Variants in PRMT2 observed in about 807,000 individuals in gnomAD.
PRMT2 encodes the protein protein arginine methyltransferase 2, also known as protein arginine N-methyltransferase 2.
PRMT2 carries 26 observed loss-of-function variants against 57.6 expected under a neutral mutation model. The ratio of observed to expected loss-of-function variants is 0.45; its 90% CI spans 0.33 to 0.63. PRMT2 has a LOEUF of 0.63. Ranked by LOEUF, PRMT2 falls within the 20% of genes least tolerant of loss-of-function variation. PRMT2 has a pLI of 0.02. For synonymous variants in PRMT2, 219 were observed against 220.0 expected, an observed-to-expected ratio of 1.00 and a Z score of 0.04; for missense variants, 472 against 564.4, an observed-to-expected ratio of 0.84 and a Z score of 1.66.
rs781528724 is a variant in PRMT2, at chr21:46,664,292, C to T, written c.1270-3C>T. 95 of 1,608,230 alleles carry T rather than the reference C, an allele frequency of 5.9e-5. No homozygotes were observed. Among genetic ancestry groups the T allele is most frequent in the Non-Finnish European group, 7.9e-5 (93 of 1,174,862 alleles). On this transcript the variant is annotated splice_polypyrimidine_tract_variant and splice_region_variant and intron_variant, in intron 11 of 11. Coordinates refer to ENST00000355680, the MANE Select transcript of PRMT2 (RefSeq NM_206962.4). ...TTGACCTGTTGTCATTTATCTTTTT[C>T]AGGTTGGAGAAAAAGTCTTCCCCAT...
chr21:46,655,224 C>T (rs1312949866), intron 7 of PRMT2, among the ~76,000 whole-genome samples: 3 of 151,978 alleles, frequency 2.0e-5, no homozygotes, highest in Non-Finnish European at 4.4e-5. Context: ...TAAGCATTGC[C>T]CTAATACCAA....
chr21:46,652,765 C>T (rs1275615241), intron 7 of PRMT2: 1 of 1,174,668 alleles, frequency 8.5e-7, no homozygotes, highest in African/African-American at 1.6e-5. Context: ...CCACAGGTGT[C>T]CTAGATTGTC....
At chr21:46,654,035 C>T in intron 7 of PRMT2, 1 of 988,424 alleles carries the variant, frequency 1.0e-6, no homozygotes, top group Non-Finnish European at 1.2e-6. Flanking sequence ...GCACATTCAC[C>T]TCGGGGGAGG....
In PRMT2 at chr21:46,649,964, A is replaced by G. The variant is rs2061425063; in HGVS notation, c.654+225A>G. On this transcript the variant is annotated intron_variant, in intron 7 of 11. Transcript: ENST00000355680. This position sits in a 1 kb window ranked among gnomAD's most constrained non-coding sequence, Gnocchi z 4.8. ...AGAAATTTAAGTCAAAGTTCATGTA[A>G]CATTTTCATGAGTGATTTACATGAA... 11 of 1,442,112 alleles carry G rather than the reference A, an allele frequency of 7.6e-6. No individual in the cohort carries two copies. The highest frequency in any genetic ancestry group is 1.0e-5 in the Non-Finnish European group (11 of 1,097,180). The allele number at this position is 1,442,112 out of a possible 1,614,324, so 89.3% of individuals were successfully genotyped here.
Position 46,648,373 on chromosome 21 carries a change from C to A in PRMT2, c.328-85C>A. On this transcript the variant is annotated intron_variant, in intron 5 of 11. Transcript: ENST00000355680. The surrounding 1 kb of genome is among the most constrained non-coding windows in gnomAD (Gnocchi z 4.8). ...GGGTGTTGGGGTCAGGGGTCATCAG[C>A]TGTGGCTCTGACCCTCCATCTCAGT... The A allele has an allele frequency of 1.4e-6, 2 of 1,478,330 alleles. No homozygotes were observed. The highest frequency in any genetic ancestry group is 1.8e-5 in the Admixed American group (1 of 56,528). 91.6% of individuals were successfully genotyped at this position (1,478,330 alleles called of 1,614,324 possible).
At chr21:46,645,662 C>T (rs146333491) in intron 5 of PRMT2, among the ~76,000 whole-genome samples, 4 of 151,508 alleles carry the variant, frequency 2.6e-5, no homozygotes, top group South Asian at 2.1e-4. Context: ...GAATCTATAA[C>T]GTTTGACTCA....
chr21:46,661,885 G>A lies in PRMT2; in HGVS notation c.1046G>A (p.Ser349Asn), dbSNP rs1198850526. The A allele has an allele frequency of 5.3e-6, 8 of 1,498,372 alleles. No individual in the cohort carries two copies. The Middle Eastern group carries it at 9.0e-4, about 169-fold the overall frequency. The allele number at this position is 1,498,372 out of a possible 1,614,324, so 92.8% of individuals were successfully genotyped here. The change falls in exon 10 of 12, where the codon AGC becomes AAC. Residue 349 changes from serine to asparagine, a missense_variant. This residue lies in a region of PRMT2 where 229 missense variants were observed against 217.2 expected (regional missense o/e 1.05). Transcript: ENST00000355680. ...FTAWFSVHFQ[S>N]LQEGQPPQVL... ...GCCTGGTTTAGCGTCCACTTCCAGA[G>A]CCTGCAGGAGGGGCAGCCGCCGCAG...
At chr21:46,643,407 G>A (rs755301578) in intron 3 of PRMT2, 128 bp from the exon 4 acceptor site, 2 of 1,298,156 alleles carry the variant, frequency 1.5e-6, no homozygotes, top group Non-Finnish European at 2.0e-6. Context: ...GATCCAAATA[G>A]TTTGTATAAT....
intron 3 of PRMT2, among the ~76,000 whole-genome samples, chr21:46,641,923 G>A (rs2061283713): frequency 6.6e-6 from 1 of 152,092 alleles, no homozygotes. Context: ...GGAAAAGCAC[G>A]AAGGGTACAA....
Position 46,644,298 on chromosome 21 carries a change from T to A in PRMT2, c.145-8T>A, listed in dbSNP as rs1352718930. ...TTTCTTATTGAATTTTAACTTTTTT[T>A]TTTCCAGCTCAGTTTTTTGAGAGGA... On this transcript the variant is annotated splice_polypyrimidine_tract_variant and splice_region_variant and intron_variant, in intron 4 of 11. Transcript: ENST00000355680. 2.5e-6 allele frequency: 4 copies of A among 1,601,574 alleles called. No individual in the cohort carries two copies. In the South Asian group the frequency reaches 4.6e-5, roughly 18 times the overall value.
chr21:46,636,622 C>A, intron 2 of PRMT2, 75 bp downstream of exon 2: 1 of 298,386 alleles, frequency 3.4e-6, no homozygotes, highest in Non-Finnish European at 6.2e-6. Context: ...TGCCTTAAGT[C>A]GACACCTGAT....
intron 9 of PRMT2, chr21:46,661,465 C>T (rs1433631228): frequency 4.3e-5 from 8 of 184,080 alleles, no homozygotes; most frequent in Non-Finnish European, 7.8e-5. Context: ...GGCGCGGTGG[C>T]GCCGGCGCGC....
At chr21:46,652,748 A>G (rs1199628393) in intron 7 of PRMT2, 1 of 1,141,080 alleles carries the variant, frequency 8.8e-7, no homozygotes, top group Non-Finnish European at 1.1e-6. Flanking sequence ...AGACGCAAGT[A>G]AAGATACCAC....
chr21:46,638,990 A>G (rs1214798558), intron 3 of PRMT2, among the ~76,000 whole-genome samples: 7 of 152,114 alleles, frequency 4.6e-5, no homozygotes, highest in Admixed American at 2.0e-4. Context: ...CCTTTCTTTA[A>G]TAGTCTTTAA....
Position 46,646,733 on chromosome 21 carries a change from G to T in PRMT2, c.328-1725G>T, listed in dbSNP as rs77198355. 3.3e-3 allele frequency among the ~76,000 whole-genome samples: 500 copies of T among 152,296 alleles called. 3 individuals carry two copies. The highest frequency in any genetic ancestry group is 0.01 in the East Asian group (52 of 5,188). On this transcript the variant is annotated intron_variant, in intron 5 of 11. Transcript: ENST00000355680. Reference sequence around the variant, plus strand: ...AATTCCTACGGGGTGTGTGTGTGTAGTGTGTACATGTGGTTTCCTTAAGTG... The same window carrying T: ...AATTCCTACGGGGTGTGTGTGTGTATTGTGTACATGTGGTTTCCTTAAGTG...
At chr21:46,653,603 C>T (rs1211003081) in intron 7 of PRMT2, 2 of 1,150,922 alleles carry the variant, frequency 1.7e-6, no homozygotes, top group African/African-American at 1.7e-5. Flanking sequence ...GGACTTCTGG[C>T]CCCTTTGCTT....
Position 46,648,607 on chromosome 21 carries a change from G to C in PRMT2, c.477G>C (p.Ala159=), listed in dbSNP as rs150978784. The change falls in exon 6 of 12, where the codon GCG becomes GCC. Residue 159 remains alanine (A), a synonymous_variant. Coordinates refer to ENST00000355680, the MANE Select transcript of PRMT2 (RefSeq NM_206962.4). This position sits in a 1 kb window ranked among gnomAD's most constrained non-coding sequence, Gnocchi z 4.8. ...GIISLFCAHY[A]RPRAVYAVEA... is the part of the protein sequence containing the mutation. ...TCAGTCTCTTCTGTGCACACTATGCGCGGCCTAGAGCGGTGAGTGGGGTCT... is the reference window on the plus strand; with the variant it reads ...TCAGTCTCTTCTGTGCACACTATGCCCGGCCTAGAGCGGTGAGTGGGGTCT... The C allele has an allele frequency of 3.7e-6, 6 of 1,612,720 alleles. No homozygotes were observed. The highest frequency in any genetic ancestry group is 5.1e-6 in the Non-Finnish European group (6 of 1,178,772).
rs2061614078 is a variant in PRMT2, at chr21:46,661,147, T to A, written c.960+185T>A. ...TACTGATTTTTTCCAGTCTTTTTTCTTTTTTACGTTCTATTTTGATTCTTT... is the reference window on the plus strand; with the variant it reads ...TACTGATTTTTTCCAGTCTTTTTTCATTTTTACGTTCTATTTTGATTCTTT... On this transcript the variant is annotated intron_variant, in intron 9 of 11. Transcript: ENST00000355680. 3 of 554,358 alleles carry A rather than the reference T, an allele frequency of 5.4e-6. No individual in the cohort carries two copies. In the East Asian group the frequency reaches 1.0e-4, roughly 19 times the overall value. 34.3% of individuals were successfully genotyped at this position (554,358 alleles called of 1,614,324 possible). A position where few individuals can be genotyped will look rare whatever the true frequency, so the allele number is the denominator to read the frequency against.
chr21:46,644,576 T>A (rs1479584425), intron 5 of PRMT2, 88 bp downstream of exon 5: 2 of 1,349,558 alleles, frequency 1.5e-6, no homozygotes, highest in African/African-American at 3.0e-5. Context: ...AGCAGGCCCA[T>A]AGTCTTACAG....
Sources: gnomAD v4.1 joint callset for allele counts (sites outside exome capture counted in the v4.1 genomes callset) on GRCh38, gnomAD v4.1.1 for gene constraint, gnomAD v4.1.1 regional missense constraint, Gnocchi (gnomAD v3.1) non-coding constraint, MANE v1.5 for transcripts, NCBI Gene and HGNC (gene_info 2026-07-23, HGNC 2026-07-21) for gene names.